Variants in SLC39A4 observed in about 807,000 individuals in gnomAD.
The protein encoded by SLC39A4 is solute carrier family 39 member 4.
A neutral mutation model predicts 56.6 loss-of-function variants in SLC39A4; 49 were observed. That is an observed-to-expected ratio of 0.87 (90% CI 0.69 to 1.10). The LOEUF is 1.10. Among genes scored for constraint, SLC39A4 ranks in the 50% least tolerant of loss-of-function variants. The pLI is 0.00. For missense variants in SLC39A4, 993 were observed against 864.2 expected (o/e 1.15, Z -1.87); for synonymous variants, 540 against 420.4 (o/e 1.28, Z -3.48).
chr8:144,415,011 A>AG lies in SLC39A4; in HGVS notation c.766dup (p.Leu256ProfsTer162). ...ACTGGAGCTGTTGCTGGAGCTGATG[A>AG]GGGGCACAGGGTCCCGGCTGCTGGC... On this transcript the variant is annotated frameshift_variant, in exon 4 of 12. Transcript: ENST00000301305. LOFTEE classifies it high-confidence loss of function. 1 of 1,612,140 alleles carries AG rather than the reference A, an allele frequency of 6.2e-7. No individual in the cohort carries two copies. Among genetic ancestry groups the AG allele is most frequent in the Non-Finnish European group, 8.5e-7 (1 of 1,179,946 alleles).
At chr8:144,413,119 C>T in intron 10 of SLC39A4, 118 bp downstream of exon 10, 2 of 1,457,144 alleles carry the variant, frequency 1.4e-6, no homozygotes, top group South Asian at 1.2e-5. Context: ...TTTCCGGTCT[C>T]CCCACCCAGC....
In SLC39A4 at chr8:144,413,349, G is replaced by A. The variant is rs781981803; in HGVS notation, c.1515C>T (p.Ala505=). The A allele has an allele frequency of 3.1e-6, 5 of 1,607,140 alleles. No individual in the cohort carries two copies. The highest frequency in any genetic ancestry group is 1.7e-4 in the Middle Eastern group (1 of 6,054). The change falls in exon 10 of 12, where the codon GCC becomes GCT. Residue 505 remains alanine (A), a synonymous_variant. Transcript: ENST00000301305. ...CCAGCCCGTCGGCGAAGTTGTGCACGGCGTCGCCCAGAGTGATCATATAGG... is the reference window on the plus strand; with the variant it reads ...CCAGCCCGTCGGCGAAGTTGTGCACAGCGTCGCCCAGAGTGATCATATAGG... ...LLPYMITLGD[A]VHNFADGLAV...
At chr8:144,414,642 C>T in intron 5 of SLC39A4, 83 bp downstream of exon 5, 1 of 1,578,682 alleles carries the variant, frequency 6.3e-7, no homozygotes, top group Non-Finnish European at 8.6e-7. Flanking sequence ...CTCTCTCCAT[C>T]CCTCATCCTG....
Position 144,415,422 on chromosome 8 carries a change from G to T in SLC39A4, c.475-3C>A. The T allele has an allele frequency of 6.3e-7, 1 of 1,594,616 alleles. No homozygotes were observed. Among genetic ancestry groups the T allele is most frequent in the African/African-American group, 1.3e-5 (1 of 74,734 alleles). ...AGCTGAGGGATATCTACGCAGGCCT[G>T]GGGAAGAGGGGGCCTCCGCCTCAGC... On this transcript the variant is annotated splice_polypyrimidine_tract_variant and splice_region_variant and intron_variant, in intron 2 of 11. Coordinates refer to ENST00000301305, the MANE Select transcript of SLC39A4 (RefSeq NM_130849.4).
Position 144,414,424 on chromosome 8 carries a change from G to A in SLC39A4, c.987C>T (p.Tyr329=), listed in dbSNP as rs4319139. The change falls in exon 6 of 12, where the codon TAC becomes TAT. Residue 329 remains tyrosine, a synonymous_variant. Coordinates refer to ENST00000301305, the MANE Select transcript of SLC39A4 (RefSeq NM_130849.4). ...DQLSQSERYL[Y]GSLATLLICL... is the part of the protein sequence containing the mutation. ...AGATGAGCAGCGTGGCCAGGGAGCCGTACAGATACCCTGGGGGCGGGTGAG... is the reference window on the plus strand; with the variant it reads ...AGATGAGCAGCGTGGCCAGGGAGCCATACAGATACCCTGGGGGCGGGTGAG... 4.2e-5 allele frequency: 66 copies of A among 1,558,158 alleles called. No individual in the cohort carries two copies. The highest frequency in any genetic ancestry group is 7.8e-5 in the Admixed American group (4 of 51,174).
rs782571751 is a variant in SLC39A4 at position 144,412,662 on chromosome 8, G to A, written c.1820C>T (p.Pro607Leu). 3.8e-5 allele frequency: 62 copies of A among 1,613,748 alleles called. No individual in the cohort carries two copies. Among genetic ancestry groups the A allele is most frequent in the Non-Finnish European group, 5.1e-5 (60 of 1,179,962 alleles). The change falls in exon 12 of 12, where the codon CCG (proline) becomes CTG (leucine). Residue 607 changes from proline to leucine, a missense_variant. By Grantham distance (98) the Pro-to-Leu change is moderately conservative. Coordinates refer to ENST00000301305, the MANE Select transcript of SLC39A4 (RefSeq NM_130849.4). ...FLYVALCDML[P>L]AMLKVRDPRP... is the part of the protein sequence containing the mutation. ...CGGGTCCCGTACTTTCAACATCGCC[G>A]GGAGCTGAGGAGCAAGTGGGCACCG...
chr8:144,413,336 C>T lies in SLC39A4; in HGVS notation c.1528G>A (p.Ala510Thr), dbSNP rs781927363. The T allele has an allele frequency of 6.2e-7, 1 of 1,606,396 alleles. No individual in the cohort carries two copies. The highest frequency in any genetic ancestry group is 8.5e-7 in the Non-Finnish European group (1 of 1,179,322). ...GCGGCGCCCACGGCCAGCCCGTCGG[C>T]GAAGTTGTGCACGGCGTCGCCCAGA... ...ITLGDAVHNF[A>T]DGLAVGAAFA... The change falls in exon 10 of 12, where the codon GCC becomes ACC. Residue 510 changes from alanine (A) to threonine (T), a missense_variant. By Grantham distance (58) the Ala-to-Thr change is moderately conservative. Transcript: ENST00000301305.
Position 144,412,495 on chromosome 8 carries a change from G to C in SLC39A4, c.*43C>G. 1 of 1,613,998 alleles carries C rather than the reference G, an allele frequency of 6.2e-7. No individual in the cohort carries two copies. The highest frequency in any genetic ancestry group is 1.1e-5 in the South Asian group (1 of 90,978). ...TGGTTTCTGGGCTGTAGGTTTGTGA[G>C]GTGTGGGATCTTAAGTCAAAGGTGG... On this transcript the variant is annotated 3_prime_UTR_variant, in exon 12 of 12. Transcript: ENST00000301305.
Position 144,416,129 on chromosome 8 carries a change from A to G in SLC39A4, c.193-38T>C, listed in dbSNP as rs113225361. 2,661 of 1,599,144 alleles carry G rather than the reference A, an allele frequency of 1.7e-3. 28 individuals are homozygous for G. In the African/African-American group the frequency reaches 0.026, roughly 15 times the overall value. Reference sequence around the variant, plus strand: ...ACAAGTGAGCAGGGGCGCTGGGCCCACCAGGGAGGGGAGAGGCAGGCCTGG... The same window carrying G: ...ACAAGTGAGCAGGGGCGCTGGGCCCGCCAGGGAGGGGAGAGGCAGGCCTGG... On this transcript the variant is annotated intron_variant, in intron 1 of 11. Transcript: ENST00000301305.
At position 144,415,832 on chromosome 8, in the gene SLC39A4, G is replaced by A; in HGVS notation, c.452C>T (p.Ala151Val). ...SWLLQRMQAR[A>V]AGQTPKMACV... ...CACCATCTTGGGGGTCTGGCCGGCA[G>A]CCCGGGCCTGCATCCTCTGCAGCAG... The change falls in exon 2 of 12, where the codon GCT becomes GTT. Residue 151 changes from alanine to valine, a missense_variant. Coordinates refer to ENST00000301305, the MANE Select transcript of SLC39A4 (RefSeq NM_130849.4). 2 of 1,594,538 alleles carry A rather than the reference G, an allele frequency of 1.3e-6. No individual in the cohort carries two copies. Among genetic ancestry groups the A allele is most frequent in the East Asian group, 4.5e-5 (2 of 44,590 alleles).
In SLC39A4 at chr8:144,412,797, C is replaced by G; in HGVS notation, c.1777G>C (p.Ala593Pro). ...GCTACGTAGAGGAACAGGCCGGTGG[C>G]CACTGCCAGGATCCAGGCCTCGCTC... Reference protein sequence around the residue: ...EESEAWILAVATGLFLYVALC... With the variant: ...EESEAWILAVPTGLFLYVALC... Residue 593 changes from alanine to proline, a missense_variant, in exon 11 of 12, where the codon GCC (alanine) becomes CCC (proline). Ala to Pro is a conservative substitution (Grantham distance 27). Coordinates refer to ENST00000301305, the MANE Select transcript of SLC39A4 (RefSeq NM_130849.4). The G allele has an allele frequency of 6.2e-7, 1 of 1,613,146 alleles. No homozygotes were observed. Among genetic ancestry groups the G allele is most frequent in the Non-Finnish European group, 8.5e-7 (1 of 1,179,938 alleles).
At chr8:144,416,158 G>T in intron 1 of SLC39A4, 67 bp from the exon 2 acceptor site, 1 of 1,596,052 alleles carries the variant, frequency 6.3e-7, no homozygotes. Flanking sequence ...GGCCTGGCCA[G>T]GGGCTTCCCC....
At chr8:144,414,556 C>G in intron 5 of SLC39A4, 122 bp from the exon 6 acceptor site, 1 of 1,502,802 alleles carries the variant, frequency 6.7e-7, no homozygotes, top group Non-Finnish European at 9.0e-7. Flanking sequence ...GGCTGACCCT[C>G]CTGCCTCAAA....
At position 144,416,688 on chromosome 8, in the gene SLC39A4, A is replaced by G. The variant is rs1822217948; in HGVS notation, c.102T>C (p.Ser34=). 1 of 1,612,330 alleles carries G rather than the reference A, an allele frequency of 6.2e-7. No homozygotes were observed. The highest frequency in any genetic ancestry group is 8.5e-7 in the Non-Finnish European group (1 of 1,179,728). ...CCTCTTGATCCAGAGCGCCCTGGCC[A>G]GAGGTGAGCAGGCTCAGCAGACCAG... ...PPAGLLSLLT[S]GQGALDQEAL... is the part of the protein sequence containing the mutation. Residue 34 remains serine (S), a synonymous_variant, in exon 1 of 12, where the codon TCT becomes TCC. Coordinates refer to ENST00000301305, the MANE Select transcript of SLC39A4 (RefSeq NM_130849.4).
At position 144,413,515 on chromosome 8, in the gene SLC39A4, G is replaced by C; in HGVS notation, c.1472C>G (p.Pro491Arg). Residue 491 changes from proline to arginine, a missense_variant and splice_region_variant, in exon 9 of 12, where the codon CCA becomes CGA. Coordinates refer to ENST00000301305, the MANE Select transcript of SLC39A4 (RefSeq NM_130849.4). Reference protein sequence around the residue: ...LLNPEPRRLSPELRLLPYMIT... With the variant: ...LLNPEPRRLSRELRLLPYMIT... ...CCGGGGTCGCCCCCTGGGCTCACCT[G>C]GGCTCAGTCTCCTGGGCTCAGGGTT... The C allele has an allele frequency of 6.4e-7, 1 of 1,556,818 alleles. No homozygotes were observed. The highest frequency in any genetic ancestry group is 8.7e-7 in the Non-Finnish European group (1 of 1,150,256).
At position 144,414,912 on chromosome 8, in the gene SLC39A4, A is replaced by G; in HGVS notation, c.805-16T>C. On this transcript the variant is annotated splice_polypyrimidine_tract_variant and intron_variant, in intron 4 of 11. Coordinates refer to ENST00000301305, the MANE Select transcript of SLC39A4 (RefSeq NM_130849.4). ...TCAGGCATACCTGGGGGGTGGCAGG[A>G]CAGGCTCAGGGGCCCAAGCAGACCC... is the stretch of plus-strand genomic sequence containing the variant. 1 of 1,613,114 alleles carries G rather than the reference A, an allele frequency of 6.2e-7. No individual in the cohort carries two copies. The highest frequency in any genetic ancestry group is 1.3e-5 in the African/African-American group (1 of 75,016).
At position 144,416,703 on chromosome 8, in the gene SLC39A4, C is replaced by T. The variant is rs367624191; in HGVS notation, c.87G>A (p.Leu29=). The T allele has an allele frequency of 3.7e-5, 59 of 1,612,500 alleles. 1 individual carries two copies. The highest frequency in any genetic ancestry group is 1.7e-5 in the Admixed American group (1 of 59,962). Residue 29 remains leucine, a synonymous_variant, in exon 1 of 12, where the codon CTG becomes CTA. Transcript: ENST00000301305. ...TATASPPAGL[L]SLLTSGQGAL... is the part of the protein sequence containing the mutation. ...CGCCCTGGCCAGAGGTGAGCAGGCT[C>T]AGCAGACCAGCAGGCGGGGACGCCG...
Position 144,412,890 on chromosome 8 carries a change from T to TCAGCAGC in SLC39A4, c.1677_1683dup (p.Asn562AlafsTer85). 1 of 1,610,548 alleles carries TCAGCAGC rather than the reference T, an allele frequency of 6.2e-7. No individual in the cohort carries two copies. The highest frequency in any genetic ancestry group is 1.3e-5 in the African/African-American group (1 of 75,034). On this transcript the variant is annotated frameshift_variant, in exon 11 of 12. Transcript: ENST00000301305. LOFTEE classifies it high-confidence loss of function. ...AAGGCCGTGAGCGCGGAGGCCAGGT[T>TCAGCAGC]CAGCAGCAGTGCTTGGCGCACGGAC...
chr8:144,415,045 G>C lies in SLC39A4; in HGVS notation c.733C>G (p.His245Asp), dbSNP rs782607456. 6.2e-7 allele frequency: 1 copy of C among 1,611,484 alleles called. No homozygotes were observed. The highest frequency in any genetic ancestry group is 8.5e-7 in the Non-Finnish European group (1 of 1,179,940). ...GGGTCCCGGCTGCTGGCTCCCCTGT[G>C]CCGATGACTGTGGTCACTGTGGGCC... ...REAHSDHSHR[H>D]RGASSRDPVP... Residue 245 changes from histidine (H) to aspartate (D), a missense_variant, in exon 4 of 12, where the codon CAC becomes GAC. Physicochemically the swap from His to Asp is moderately conservative, Grantham distance 81. Coordinates refer to ENST00000301305, the MANE Select transcript of SLC39A4 (RefSeq NM_130849.4).
Sources: allele counts gnomAD v4.1 joint callset, GRCh38; gene constraint gnomAD v4.1.1; transcripts MANE v1.5; gene names NCBI Gene and HGNC (gene_info 2026-07-23, HGNC 2026-07-21).